THAP8: variants seen among roughly 807,000 people sequenced by gnomAD.
The protein encoded by THAP8 is THAP domain containing 8, also known as THAP domain-containing protein 8.
Under a neutral mutation model 25.0 loss-of-function variants are expected in THAP8, and 24 were observed. The observed-to-expected ratio is 0.96, with a 90% confidence interval of 0.69 to 1.35. The LOEUF is 1.35. Ranked by LOEUF, THAP8 falls within the 40% of genes most tolerant of loss-of-function variation. The pLI is 0.00. For missense variants in THAP8, 399 were observed against 368.8 expected, an observed-to-expected ratio of 1.08 and a Z score of -0.67; for synonymous variants, 169 against 157.6, an observed-to-expected ratio of 1.07 and a Z score of -0.54.
intron 3 of THAP8, among the ~76,000 whole-genome samples, chr19:36,037,386 C>A (rs1340156272): frequency 7.1e-6 from 1 of 140,456 alleles, no homozygotes; most frequent in Non-Finnish European, 1.5e-5. Context: ...ACACACCCAG[C>A]AGTAAAATAT....
chr19:36,045,583 T>C, intron 1 of THAP8: 1 of 379,122 alleles, frequency 2.6e-6, no homozygotes, highest in Non-Finnish European at 5.2e-6. Context: ...TATTACCTTA[T>C]ATGACAAAAG....
chr19:36,037,343 TACACACACACACACACACACACAC>T (rs58349186), intron 3 of THAP8, among the ~76,000 whole-genome samples: 1 of 114,760 alleles, frequency 8.7e-6, no homozygotes, highest in Non-Finnish European at 1.9e-5. Flanking sequence ...ATTCCTCCCC[TACACACACACACACACACACACAC>T]ACACACACAC....
intron 3 of THAP8, among the ~76,000 whole-genome samples, chr19:36,037,746 T>C (rs1311287827): frequency 6.6e-6 from 1 of 152,114 alleles, no homozygotes; most frequent in East Asian, 1.9e-4. Flanking sequence ...TTCAAGCAAT[T>C]TTCCTCCCTC....
chr19:36,046,612 T>C (rs1292158012), intron 1 of THAP8, among the ~76,000 whole-genome samples: 1 of 152,184 alleles, frequency 6.6e-6, no homozygotes, highest in Non-Finnish European at 1.5e-5. Flanking sequence ...GTCTGGCTGC[T>C]GCAGTCAGCC....
intron 1 of THAP8, among the ~76,000 whole-genome samples, chr19:36,041,367 A>G (rs1969688103): frequency 6.6e-6 from 1 of 152,080 alleles, no homozygotes; most frequent in Admixed American, 6.6e-5. Flanking sequence ...ATTGGTTTAT[A>G]CTTCTGAAAC....
intron 1 of THAP8, among the ~76,000 whole-genome samples, chr19:36,044,093 ACCT>A (rs1969795588): frequency 6.6e-6 from 1 of 151,558 alleles, no homozygotes; most frequent in African/African-American, 2.4e-5. Context: ...CATAATAAAG[ACCT>A]CCTTTTCCAG....
intron 3 of THAP8, among the ~76,000 whole-genome samples, chr19:36,038,784 G>C (rs1568549728): frequency 1.3e-5 from 2 of 151,718 alleles, no homozygotes; most frequent in African/African-American, 4.9e-5. Context: ...CTGGGAGGCA[G>C]AGGCTGCAGT....
In THAP8 at chr19:36,035,239, T is replaced by G; in HGVS notation, c.*201A>C. 3.5e-6 allele frequency: 2 copies of G among 575,798 alleles called. No individual in the cohort carries two copies. Among genetic ancestry groups the G allele is most frequent in the Non-Finnish European group, 5.8e-6 (2 of 344,758 alleles). The allele number at this position is 575,798 out of a possible 1,614,324, so 35.7% of individuals were successfully genotyped here. On this transcript the variant is annotated 3_prime_UTR_variant, in exon 4 of 4. Coordinates refer to ENST00000292894, the MANE Select transcript of THAP8 (RefSeq NM_152658.3). ...TGGCAGAAGCCTGGTACCCAGGGGA[T>G]TGGGGGCTGATGAGAGACTTGGGCC...
At chr19:36,054,711 C>G (rs1970242884), upstream of THAP8, 1 of 594,682 alleles carries the variant, frequency 1.7e-6, no homozygotes, top group Non-Finnish European at 3.0e-6. Context: ...AAAACGCAGT[C>G]TGGATGAAAG....
chr19:36,049,375 A>AAG (rs897305199), intron 1 of THAP8, among the ~76,000 whole-genome samples: 1 of 151,990 alleles, frequency 6.6e-6, no homozygotes, highest in African/African-American at 2.4e-5. Flanking sequence ...AAAAAAAAAA[A>AAG]AGAGAGAGTG....
At chr19:36,054,059 A>G in intron 1 of THAP8, 76 bp downstream of exon 1, 7 of 1,508,170 alleles carry the variant, frequency 4.6e-6, no homozygotes, top group Non-Finnish European at 6.3e-6. Context: ...GAAGCCCCGC[A>G]CAGCAGCACT....
At chr19:36,052,194 G>A (rs1022696341) in intron 1 of THAP8, among the ~76,000 whole-genome samples, 4 of 152,140 alleles carry the variant, frequency 2.6e-5, no homozygotes, top group African/African-American at 4.8e-5. Flanking sequence ...ACAGGCATGT[G>A]CCACCACACC....
At chr19:36,045,823 C>A (rs1215961509) in intron 1 of THAP8, 1 of 456,696 alleles carries the variant, frequency 2.2e-6, no homozygotes, top group Non-Finnish European at 4.4e-6. Context: ...GATTCTCCCC[C>A]AGAACCTCCA....
Position 36,039,356 on chromosome 19 carries a change from C to T in THAP8, c.639G>A (p.Leu213=). Residue 213 remains leucine, a synonymous_variant, in exon 3 of 4, where the codon CTG becomes CTA. Coordinates refer to ENST00000292894, the MANE Select transcript of THAP8 (RefSeq NM_152658.3). ...RLAQQLHGES[L]LARARRGLQR... ...GCAGACCCCGGCGTGCCCGTGCCAG[C>T]AGGCTCTCCCCGTGTAGCTGCTGTG... 2 of 1,531,018 alleles carry T rather than the reference C, an allele frequency of 1.3e-6. No individual in the cohort carries two copies. The highest frequency in any genetic ancestry group is 8.7e-7 in the Non-Finnish European group (1 of 1,143,846). 94.8% of individuals were successfully genotyped at this position (1,531,018 alleles called of 1,614,324 possible).
intron 1 of THAP8, among the ~76,000 whole-genome samples, chr19:36,040,387 C>G (rs550946635): frequency 1.3e-5 from 2 of 152,270 alleles, no homozygotes; most frequent in Admixed American, 6.5e-5. Context: ...AGTGCAATGG[C>G]GCGATCTTGG....
chr19:36,043,347 A>C (rs1417911936), intron 1 of THAP8, among the ~76,000 whole-genome samples: 1 of 152,212 alleles, frequency 6.6e-6, no homozygotes, highest in African/African-American at 2.4e-5. Flanking sequence ...GAGGTAGAAC[A>C]GTCAAATTCC....
chr19:36,045,384 G>A (rs1017656229), intron 1 of THAP8, among the ~76,000 whole-genome samples: 1 of 150,990 alleles, frequency 6.6e-6, no homozygotes, highest in Non-Finnish European at 1.5e-5. Context: ...ATCCTCCCAC[G>A]TCAGCCTCCC....
intron 3 of THAP8, 41 bp from the exon 4 acceptor site, chr19:36,035,633 CA>C (rs780103815): frequency 1.3e-6 from 2 of 1,592,976 alleles, no homozygotes; most frequent in Non-Finnish European, 1.7e-6. Flanking sequence ...CATTACGAAG[CA>C]AGTTGCGGGA....
chr19:36,037,795 A>G (rs1483104647), intron 3 of THAP8, among the ~76,000 whole-genome samples: 1 of 151,820 alleles, frequency 6.6e-6, no homozygotes, highest in African/African-American at 2.4e-5. Context: ...GTGTGCCACC[A>G]CGTCCGGCTA....
Sources: allele counts gnomAD v4.1 joint callset (sites outside exome capture counted in the v4.1 genomes callset), GRCh38; gene constraint gnomAD v4.1.1; transcripts MANE v1.5; gene names NCBI Gene and HGNC (gene_info 2026-07-23, HGNC 2026-07-21).